The following OTOG variants were observed in gnomAD, a reference collection of about 807,000 sequenced individuals.
OTOG encodes otogelin.
OTOG carries 296 observed loss-of-function variants against 313.8 expected under a neutral mutation model. The observed-to-expected ratio is 0.94, with a 90% CI of 0.86 to 1.04. OTOG has a LOEUF of 1.04. OTOG is among the 50% of genes least tolerant of loss of function. The pLI is 0.00. For synonymous variants in OTOG, 1,533 were observed against 1,554.9 expected (o/e 0.99, Z 0.33); for missense variants, 3,948 against 3,840.1 (o/e 1.03, Z -0.74).
intron 39 of OTOG, among the ~76,000 whole-genome samples, chr11:17,620,243 ATAGTCACCTCTCCC>A (rs1853830916): frequency 6.6e-6 from 1 of 152,200 alleles, no homozygotes; most frequent in Non-Finnish European, 1.5e-5. Flanking sequence ...CAGTTTCTTC[ATAGTCACCTCTCCC>A]CACAGCCCCT....
chr11:17,586,063 A>G (rs1852786595), intron 23 of OTOG, among the ~76,000 whole-genome samples: 1 of 152,160 alleles, frequency 6.6e-6, no homozygotes, highest in African/African-American at 2.4e-5. Context: ...ACCAGACTAG[A>G]AGACAGCAGC....
rs1421507808 is a variant in OTOG at position 17,591,321 on chromosome 11, G to A, written c.2868-129G>A. The A allele has an allele frequency of 4.7e-6, 6 of 1,267,038 alleles. No homozygotes were observed. In the East Asian group the frequency reaches 7.8e-5, roughly 16 times the overall value. 78.5% of individuals were successfully genotyped at this position (1,267,038 alleles called of 1,614,324 possible). The stretch of plus-strand genomic sequence containing the variant: ...CCTGCCCTCCAGGCTCCTGTTAGAG[G>A]TTGGTGTTTGTTGACCTCTTTGCCG... On this transcript the variant is annotated intron_variant, in intron 24 of 55. Coordinates refer to ENST00000399397, the MANE Select transcript of OTOG (RefSeq NM_001292063.2).
At chr11:17,569,765 A>G (rs531810428) in intron 16 of OTOG, among the ~76,000 whole-genome samples, 2 of 152,346 alleles carry the variant, frequency 1.3e-5, no homozygotes, top group East Asian at 3.9e-4. Context: ...AATATAAACC[A>G]TAAAGGGTAT....
intron 40 of OTOG, 57 bp downstream of exon 40, chr11:17,629,373 C>T (rs75199341): frequency 2.0e-6 from 3 of 1,477,650 alleles, no homozygotes; most frequent in African/African-American, 1.4e-5. Flanking sequence ...CCTCTGCCCC[C>T]ACACATAATT....
chr11:17,605,058 C>A (rs1308280350), intron 32 of OTOG, among the ~76,000 whole-genome samples: 1 of 152,258 alleles, frequency 6.6e-6, no homozygotes, highest in South Asian at 2.1e-4. Flanking sequence ...CGTTGATGAT[C>A]CCTCCAACAG....
intron 39 of OTOG, among the ~76,000 whole-genome samples, chr11:17,623,099 A>G (rs1170551243): frequency 6.6e-6 from 1 of 152,178 alleles, no homozygotes; most frequent in Non-Finnish European, 1.5e-5. Context: ...GATCCATGTA[A>G]GAACATTTTC....
chr11:17,562,575 A>C (rs1257034244), intron 15 of OTOG, among the ~76,000 whole-genome samples: 1 of 152,186 alleles, frequency 6.6e-6, no homozygotes, highest in Non-Finnish European at 1.5e-5. Flanking sequence ...TTTTACAAAA[A>C]AAAAATTCCA....
rs1437075410 is a variant in OTOG at position 17,606,149 on chromosome 11, T to G, written c.4156+14T>G. 6.6e-7 allele frequency: 1 copy of G among 1,518,024 alleles called. No individual in the cohort carries two copies. The highest frequency in any genetic ancestry group is 1.3e-5 in the South Asian group (1 of 78,772). 94.0% of individuals were successfully genotyped at this position (1,518,024 alleles called of 1,614,324 possible). ...TCCGCCTTCTGGGTAGGCGACCCCC[T>G]GCCATTGCCCTCGGCCCTTTGGCCC... On this transcript the variant is annotated intron_variant, in intron 33 of 55. Transcript: ENST00000399397.
Position 17,559,148 on chromosome 11 carries a change from G to T in OTOG, c.1200G>T (p.Gln400His). 6.5e-7 allele frequency: 1 copy of T among 1,538,784 alleles called. No homozygotes were observed. The change falls in exon 11 of 56, where the codon CAG (glutamine) becomes CAT (histidine). Residue 400 changes from glutamine (Q) to histidine (H), a missense_variant. Coordinates refer to ENST00000399397, the MANE Select transcript of OTOG (RefSeq NM_001292063.2). ...AGRPLQGWRT[Q>H]LRQCTVHCKE... The stretch of plus-strand genomic sequence containing the variant: ...GGCCCTTGCAAGGCTGGAGGACCCA[G>T]CTCCGGCAATGCAGTAGGTGCAGCC...
chr11:17,587,856 CTG>C (rs1262014784), intron 24 of OTOG, among the ~76,000 whole-genome samples: 1 of 152,106 alleles, frequency 6.6e-6, no homozygotes, highest in African/African-American at 2.4e-5. Flanking sequence ...AGGTGGGAGA[CTG>C]GGGATGGCTG....
chr11:17,616,796 T>A (rs1590046084), intron 39 of OTOG, among the ~76,000 whole-genome samples: 1 of 152,260 alleles, frequency 6.6e-6, no homozygotes, highest in African/African-American at 2.4e-5. Flanking sequence ...AATTATGTCT[T>A]CTCCAAACAG....
chr11:17,554,261 C>T lies in OTOG; in HGVS notation c.540+742C>T, dbSNP rs184258350. 2.4e-4 allele frequency among the ~76,000 whole-genome samples: 37 copies of T among 152,316 alleles called. No homozygotes were observed. In the East Asian group the frequency reaches 6.9e-3, roughly 29 times the overall value. On this transcript the variant is annotated intron_variant, in intron 6 of 55. Coordinates refer to ENST00000399397, the MANE Select transcript of OTOG (RefSeq NM_001292063.2). ...TAACTCAAAGTTCCATATTATGACGCTGTCATTGTATTTCTCTTACAAAGG... is the reference window on the plus strand; with the variant it reads ...TAACTCAAAGTTCCATATTATGACGTTGTCATTGTATTTCTCTTACAAAGG...
At chr11:17,551,725 G>C (rs1208960186) in intron 3 of OTOG, among the ~76,000 whole-genome samples, 4 of 152,134 alleles carry the variant, frequency 2.6e-5, no homozygotes, top group African/African-American at 9.7e-5. Flanking sequence ...GGAGGGGAGG[G>C]GCTGTGTTCC....
chr11:17,637,355 G>A (rs1337212606), intron 47 of OTOG, among the ~76,000 whole-genome samples: 3 of 152,090 alleles, frequency 2.0e-5, no homozygotes, highest in East Asian at 1.9e-4. Flanking sequence ...CCTGGACCAT[G>A]CATTATAATG....
chr11:17,603,733 G>A (rs1325205820), intron 32 of OTOG, among the ~76,000 whole-genome samples: 2 of 152,196 alleles, frequency 1.3e-5, no homozygotes, highest in African/African-American at 4.8e-5. Context: ...GGCCTTAAAG[G>A]ATGGGAAAGA....
intron 24 of OTOG, among the ~76,000 whole-genome samples, chr11:17,590,036 A>T (rs1852894055): frequency 6.6e-6 from 1 of 152,108 alleles, no homozygotes; most frequent in Non-Finnish European, 1.5e-5. Flanking sequence ...ATATTGGAGC[A>T]ACCCAAGAGA....
chr11:17,597,187 T>C (rs1476979508), intron 30 of OTOG, among the ~76,000 whole-genome samples, 180 bp downstream of exon 30: 1 of 152,222 alleles, frequency 6.6e-6, no homozygotes, highest in Admixed American at 6.5e-5. Flanking sequence ...GGGCTATATA[T>C]TTCCTATTTT....
chr11:17,591,388 C>T, intron 24 of OTOG, 62 bp from the exon 25 acceptor site: 4 of 1,538,824 alleles, frequency 2.6e-6, no homozygotes, highest in Non-Finnish European at 2.6e-6. Context: ...ATGGCTCTGT[C>T]ATGAGTATTC....
chr11:17,612,393 C>T (rs1853583455), intron 37 of OTOG, 63 bp downstream of exon 37: 3 of 1,472,480 alleles, frequency 2.0e-6, no homozygotes. Context: ...AGCATGACCG[C>T]CATCCCTGAT....
Sources: allele counts gnomAD v4.1 joint callset (sites outside exome capture counted in the v4.1 genomes callset), GRCh38; gene constraint gnomAD v4.1.1; transcripts MANE v1.5; gene names NCBI Gene and HGNC (gene_info 2026-07-23, HGNC 2026-07-21).